REV1: variants seen among roughly 807,000 people sequenced by gnomAD.
REV1 encodes the protein REV1 DNA directed polymerase.
Under a neutral mutation model 137.4 loss-of-function variants are expected in REV1, and 42 were observed. The ratio of observed to expected loss-of-function variants is 0.31; its 90% CI spans 0.24 to 0.40. The LOEUF is 0.40. Among genes scored for constraint, REV1 ranks in the 10% least tolerant of loss-of-function variants. REV1 has a pLI of 1.00. For missense variants in REV1, 1,282 were observed against 1,490.1 expected (o/e 0.86, Z 2.30); for synonymous variants, 524 against 519.2 (o/e 1.01, Z -0.12).
intron 9 of REV1, among the ~76,000 whole-genome samples, chr2:99,429,068 T>C (rs1679779312): frequency 6.6e-6 from 1 of 151,968 alleles, no homozygotes; most frequent in South Asian, 2.1e-4. Context: ...ACTTTAACAC[T>C]TGCCAGCAAT....
At position 99,464,873 on chromosome 2, in the gene REV1, A is replaced by T. The variant is rs1272902000; in HGVS notation, c.54+49T>A. 3.9e-6 allele frequency: 6 copies of T among 1,543,590 alleles called. No individual in the cohort carries two copies. In the Admixed American group the frequency reaches 1.0e-4, roughly 26 times the overall value. ...AACCACATTATAACAGAAGAATGAA[A>T]AATAACTAGACAGTTCGATATAATT... On this transcript the variant is annotated intron_variant, in intron 2 of 22. Coordinates refer to ENST00000258428, the MANE Select transcript of REV1 (RefSeq NM_016316.4).
chr2:99,416,050 T>C (rs1045713531), intron 12 of REV1, among the ~76,000 whole-genome samples: 2 of 152,274 alleles, frequency 1.3e-5, no homozygotes, highest in African/African-American at 4.8e-5. Flanking sequence ...ATGTAGTTAT[T>C]CTAATTGTTT....
At chr2:99,455,888 C>T (rs969268793) in intron 3 of REV1, among the ~76,000 whole-genome samples, 1 of 152,040 alleles carries the variant, frequency 6.6e-6, no homozygotes, top group African/African-American at 2.4e-5. Context: ...TTGTCCGGGC[C>T]CCCCTCCACC....
At chr2:99,433,326 A>G (rs539532091) in intron 8 of REV1, among the ~76,000 whole-genome samples, 24 of 152,342 alleles carry the variant, frequency 1.6e-4, no homozygotes, top group African/African-American at 5.5e-4. Context: ...AAAATCTCTG[A>G]AAAGATTTAA....
chr2:99,431,811 G>C, intron 8 of REV1: 1 of 985,354 alleles, frequency 1.0e-6, no homozygotes, highest in Non-Finnish European at 1.2e-6. Flanking sequence ...TGAGATTCAG[G>C]GAAATGCAGG....
At chr2:99,449,195 G>A (rs969163452) in intron 4 of REV1, 141 bp downstream of exon 4, 17 of 329,316 alleles carry the variant, frequency 5.2e-5, no homozygotes, top group Non-Finnish European at 8.6e-5. Context: ...AGCCTGGGAG[G>A]TTGAGGCTGC....
At chr2:99,478,642 G>A (rs1686246677) in intron 1 of REV1, among the ~76,000 whole-genome samples, 1 of 152,200 alleles carries the variant, frequency 6.6e-6, no homozygotes. Context: ...AGGAAGAACA[G>A]AACTTAGCTG....
intron 18 of REV1, 86 bp downstream of exon 18, chr2:99,404,358 A>C: frequency 1.4e-6 from 1 of 732,390 alleles, no homozygotes; most frequent in Middle Eastern, 2.8e-4. Context: ...GATACAGAGG[A>C]GAAAGGGAAG....
chr2:99,407,205 C>T (rs1676449425), intron 15 of REV1, among the ~76,000 whole-genome samples: 1 of 148,056 alleles, frequency 6.8e-6, no homozygotes, highest in Non-Finnish European at 1.5e-5. Context: ...TCTCCTGCCT[C>T]AGCCTCCCGA....
intron 5 of REV1, among the ~76,000 whole-genome samples, chr2:99,441,185 A>C: frequency 6.6e-6 from 1 of 152,236 alleles, no homozygotes; most frequent in East Asian, 1.9e-4. Context: ...CATTAAAAAA[A>C]ATTAAAAGCT....
chr2:99,424,429 T>A, intron 9 of REV1, 149 bp from the exon 10 acceptor site: 1 of 857,916 alleles, frequency 1.2e-6, no homozygotes. Flanking sequence ...GCATTAAAAT[T>A]TACAGCCTTG....
At chr2:99,469,977 C>T (rs1286229181) in intron 1 of REV1, among the ~76,000 whole-genome samples, 5 of 151,892 alleles carry the variant, frequency 3.3e-5, no homozygotes, top group East Asian at 1.9e-4. Flanking sequence ...AAAAATTAGC[C>T]GGGCATGGTG....
At chr2:99,475,444 C>T (rs1429279858) in intron 1 of REV1, among the ~76,000 whole-genome samples, 3 of 152,132 alleles carry the variant, frequency 2.0e-5, no homozygotes, top group African/African-American at 7.2e-5. Context: ...TATTTAGGAG[C>T]ACAGGTCTTT....
At position 99,462,543 on chromosome 2, in the gene REV1, G is replaced by A; in HGVS notation, c.134C>T (p.Ser45Leu). 3 of 1,613,638 alleles carry A rather than the reference G, an allele frequency of 1.9e-6. No homozygotes were observed. Among genetic ancestry groups the A allele is most frequent in the Non-Finnish European group, 2.5e-6 (3 of 1,179,806 alleles). ...GGCAACTCCACTAAAAATTGTAGAT[G>A]AAGTCCCATCCTTCTGCATAGCAGC... The part of the protein sequence containing the change: ...SDAAMQKDGT[S>L]STIFSGVAIY... The change falls in exon 3 of 23, where the codon TCA becomes TTA. Residue 45 changes from serine to leucine, a missense_variant. Physicochemically the swap from Ser to Leu is moderately radical, Grantham distance 145. Transcript: ENST00000258428.
At chr2:99,412,701 A>G (rs781384385) in intron 13 of REV1, 30 bp downstream of exon 13, 12 of 1,544,648 alleles carry the variant, frequency 7.8e-6, no homozygotes, top group Non-Finnish European at 1.1e-5. Flanking sequence ...AAAGAGCAAC[A>G]GATGGCAAAA....
chr2:99,407,077 G>A (rs546391131), intron 15 of REV1: 44 of 46,790 alleles, frequency 9.4e-4, no homozygotes, highest in African/African-American at 3.4e-3. Context: ...ACCTACAAAG[G>A]TTCTTTTTTT....
chr2:99,423,606 C>T (rs1678964425), intron 10 of REV1, among the ~76,000 whole-genome samples: 1 of 152,292 alleles, frequency 6.6e-6, no homozygotes. Context: ...AATACATCTA[C>T]AATTTTAAAT....
At chr2:99,451,461 C>T in intron 3 of REV1, 1 of 1,304,150 alleles carries the variant, frequency 7.7e-7, no homozygotes, top group Non-Finnish European at 1.0e-6. Context: ...TCTGAAAGCT[C>T]TTACATATTC....
intron 17 of REV1, 185 bp downstream of exon 17, chr2:99,405,725 A>T: frequency 2.3e-6 from 1 of 434,088 alleles, no homozygotes; most frequent in Non-Finnish European, 3.9e-6. Context: ...AAGCACTTTC[A>T]CTCAACCCAA....
Sources: gnomAD v4.1 joint callset for allele counts (sites outside exome capture counted in the v4.1 genomes callset) on GRCh38, gnomAD v4.1.1 for gene constraint, MANE v1.5 for transcripts, NCBI Gene and HGNC (gene_info 2026-07-23, HGNC 2026-07-21) for gene names.